ENTREP2: variants seen among roughly 807,000 people sequenced by gnomAD.
ENTREP2 encodes protein ENTREP2.
At chr15:29,273,062 G>C in the ENTREP2 span, among the ~76,000 whole-genome samples, 2 of 152,300 alleles carry the variant, frequency 1.3e-5, no homozygotes, top group East Asian at 3.9e-4. Context: ...ATGGCATTTA[G>C]AGCGGGTGAG....
At chr15:29,253,725 G>A in the ENTREP2 span, among the ~76,000 whole-genome samples, 1 of 152,030 alleles carries the variant, frequency 6.6e-6, no homozygotes, top group Non-Finnish European at 1.5e-5. Context: ...ACAGGCATGA[G>A]CCACCACGCC....
the ENTREP2 span, among the ~76,000 whole-genome samples, chr15:29,500,311 G>C: frequency 6.6e-6 from 1 of 152,004 alleles, no homozygotes; most frequent in Non-Finnish European, 1.5e-5. Flanking sequence ...AAGCATACAT[G>C]GAACATTTTC....
At chr15:29,346,227 G>A in the ENTREP2 span, among the ~76,000 whole-genome samples, 7 of 152,196 alleles carry the variant, frequency 4.6e-5, no homozygotes, top group Non-Finnish European at 7.3e-5. Context: ...TCAGACAAAC[G>A]CCGAGGCAGA....
the ENTREP2 span, among the ~76,000 whole-genome samples, chr15:29,657,198 C>A: frequency 1.3e-5 from 2 of 151,614 alleles, no homozygotes; most frequent in Non-Finnish European, 2.9e-5. Context: ...CACGCGCCCA[C>A]CACCACGCCG....
chr15:29,616,486 C>T, the ENTREP2 span, among the ~76,000 whole-genome samples: 1 of 152,120 alleles, frequency 6.6e-6, no homozygotes. Flanking sequence ...TCTTTAGAAG[C>T]TTTTATGGAA....
chr15:29,582,627 T>A, the ENTREP2 span, among the ~76,000 whole-genome samples: 1 of 151,990 alleles, frequency 6.6e-6, no homozygotes, highest in African/African-American at 2.4e-5. Flanking sequence ...AAGAAAATAA[T>A]CCTGAATTTA....
the ENTREP2 span, among the ~76,000 whole-genome samples, chr15:29,285,527 T>A: frequency 6.1e-4 from 93 of 152,308 alleles, no homozygotes; most frequent in African/African-American, 2.1e-3. Context: ...GCAAGAAGAA[T>A]CACAAAGTTT....
chr15:29,282,227 G>A, the ENTREP2 span, among the ~76,000 whole-genome samples: 2 of 152,122 alleles, frequency 1.3e-5, no homozygotes, highest in African/African-American at 2.4e-5. Flanking sequence ...CTGTTCTCAT[G>A]CTGATGAGTA....
chr15:29,294,053 C>G, the ENTREP2 span, among the ~76,000 whole-genome samples: 2 of 152,300 alleles, frequency 1.3e-5, no homozygotes, highest in Non-Finnish European at 2.9e-5. Context: ...CCAGAGCAGA[C>G]AGCAAGAGCC....
chr15:29,225,331 C>T, the ENTREP2 span, among the ~76,000 whole-genome samples: 1 of 152,250 alleles, frequency 6.6e-6, no homozygotes, highest in Non-Finnish European at 1.5e-5. Context: ...GAAGTCCCGC[C>T]CAAGAGAAAA....
At chr15:29,593,410 G>A in the ENTREP2 span, among the ~76,000 whole-genome samples, 2 of 151,896 alleles carry the variant, frequency 1.3e-5, no homozygotes, top group African/African-American at 2.4e-5. Context: ...CAACATCCCC[G>A]TGACAACTCC....
chr15:29,644,760 GC>G, the ENTREP2 span, among the ~76,000 whole-genome samples: 1 of 148,324 alleles, frequency 6.7e-6, no homozygotes, highest in East Asian at 2.0e-4. Context: ...CTGAGATCAT[GC>G]CACTGCCCTC....
chr15:29,131,789 G>A, the ENTREP2 span, among the ~76,000 whole-genome samples: 2 of 148,446 alleles, frequency 1.3e-5, no homozygotes, highest in African/African-American at 2.5e-5. Context: ...GAGGGCCACC[G>A]TCGTCAGTGG....
the ENTREP2 span, among the ~76,000 whole-genome samples, chr15:29,429,917 C>T: frequency 0.44 from 67,031 of 152,100 alleles, 15,496 homozygotes; most frequent in African/African-American, 0.58. Context: ...CATTCATCCA[C>T]GCCTGATGTA....
chr15:29,510,011 A>C, the ENTREP2 span, among the ~76,000 whole-genome samples: 3 of 152,162 alleles, frequency 2.0e-5, no homozygotes, highest in Non-Finnish European at 2.9e-5. Flanking sequence ...TCATCTGACA[A>C]AGGGGTAATA....
At chr15:29,584,853 G>C in the ENTREP2 span, among the ~76,000 whole-genome samples, 6 of 152,098 alleles carry the variant, frequency 3.9e-5, no homozygotes, top group Admixed American at 1.3e-4. Flanking sequence ...GATGATGGAT[G>C]TATTAATTTA....
At chr15:29,501,414 C>G in the ENTREP2 span, among the ~76,000 whole-genome samples, 1 of 151,944 alleles carries the variant, frequency 6.6e-6, no homozygotes, top group African/African-American at 2.4e-5. Flanking sequence ...AGCATAAACC[C>G]ACATGATCAT....
the ENTREP2 span, among the ~76,000 whole-genome samples, chr15:29,362,904 C>T: frequency 1.3e-5 from 2 of 152,026 alleles, no homozygotes; most frequent in Admixed American, 6.6e-5. Context: ...ATACTTTAGT[C>T]TGTTTCAGTC....
the ENTREP2 span, among the ~76,000 whole-genome samples, chr15:29,313,293 T>C: frequency 3.9e-5 from 6 of 152,304 alleles, no homozygotes; most frequent in African/African-American, 1.2e-4. Flanking sequence ...AGATTTTCAG[T>C]GTAGACAAAA....
Sources: allele counts gnomAD v4.1 joint callset (sites outside exome capture counted in the v4.1 genomes callset), GRCh38; gene constraint gnomAD v4.1.1; transcripts MANE v1.5; gene names NCBI Gene and HGNC (gene_info 2026-07-23, HGNC 2026-07-21).